UNC13C: variants seen among roughly 807,000 people sequenced by gnomAD.
The protein encoded by UNC13C is protein unc-13 homolog C.
In UNC13C, 174 loss-of-function variants were observed where a neutral mutation model predicts 245.4. The observed-to-expected ratio is 0.71, with a 90% CI of 0.63 to 0.80. The LOEUF (loss-of-function observed/expected upper bound fraction) is 0.80. Ranked by LOEUF, UNC13C falls within the 30% of genes least tolerant of loss-of-function variation. The pLI is 0.00. For synonymous variants in UNC13C, 992 were observed against 895.1 expected (o/e 1.11, Z -1.93); for missense variants, 2,829 against 2,602.9 (o/e 1.09, Z -1.89).
At chr15:54,463,198 C>T (rs1267539683) in intron 19 of UNC13C, among the ~76,000 whole-genome samples, 1 of 137,140 alleles carries the variant, frequency 7.3e-6, no homozygotes, top group African/African-American at 2.7e-5. Flanking sequence ...TCAAAATGGG[C>T]CAATCAGCTC....
intron 4 of UNC13C, among the ~76,000 whole-genome samples, chr15:54,227,268 G>T (rs2035413548): frequency 6.6e-6 from 1 of 152,156 alleles, no homozygotes; most frequent in Non-Finnish European, 1.5e-5. Context: ...CCACGGGCGG[G>T]CCTGGAAAAA....
intron 4 of UNC13C, among the ~76,000 whole-genome samples, chr15:54,228,433 A>T (rs2035457027): frequency 6.6e-6 from 1 of 152,030 alleles, no homozygotes; most frequent in South Asian, 2.1e-4. Context: ...GTCTCTCCCC[A>T]TTGCCATCAC....
At chr15:54,176,227 T>G (rs1224716410) in intron 4 of UNC13C, among the ~76,000 whole-genome samples, 1 of 152,200 alleles carries the variant, frequency 6.6e-6, no homozygotes, top group Non-Finnish European at 1.5e-5. Context: ...TAAGGCTGCT[T>G]CCAGTGGTGT....
intron 19 of UNC13C, among the ~76,000 whole-genome samples, chr15:54,457,243 A>G (rs970102323): frequency 3.9e-5 from 6 of 152,064 alleles, no homozygotes; most frequent in South Asian, 2.1e-4. Context: ...TAATTATGGC[A>G]TGTTATCTTT....
chr15:53,963,993 A>G, the UNC13C span, among the ~76,000 whole-genome samples: 1 of 152,186 alleles, frequency 6.6e-6, no homozygotes, highest in African/African-American at 2.4e-5. Flanking sequence ...GGAAGAACAC[A>G]TATTTTGGAA....
chr15:54,422,437 T>G (rs1177575509), intron 19 of UNC13C, among the ~76,000 whole-genome samples: 2 of 152,052 alleles, frequency 1.3e-5, no homozygotes, highest in Non-Finnish European at 2.9e-5. Context: ...TTCCCTGGTA[T>G]ATAAAAGTTT....
At chr15:54,296,391 T>TTTTTTTTTTTTTTTTTG (rs529076917) in intron 11 of UNC13C, among the ~76,000 whole-genome samples, 85 of 137,870 alleles carry the variant, frequency 6.2e-4, no homozygotes, top group African/African-American at 1.3e-3. Context: ...TTATTTTTTT[T>TTTTTTTTTTTTTTTTTG]TATTTTTTAG....
At chr15:53,934,931 C>A in the UNC13C span, among the ~76,000 whole-genome samples, 1 of 152,160 alleles carries the variant, frequency 6.6e-6, no homozygotes, top group Non-Finnish European at 1.5e-5. Context: ...AATATCATTA[C>A]ATTGGGGAGT....
At chr15:54,129,263 A>G (rs373760465) in intron 2 of UNC13C, among the ~76,000 whole-genome samples, 2 of 152,222 alleles carry the variant, frequency 1.3e-5, no homozygotes, top group East Asian at 1.9e-4. Flanking sequence ...ACATATGTAC[A>G]TACATCCACA....
chr15:54,374,882 G>A (rs140026990), intron 17 of UNC13C, among the ~76,000 whole-genome samples: 132 of 152,368 alleles, frequency 8.7e-4, no homozygotes, highest in African/African-American at 3.1e-3. Flanking sequence ...GCTCTGGAGA[G>A]ATTCTGAGCA....
the UNC13C span, among the ~76,000 whole-genome samples, chr15:53,875,108 T>C: frequency 3.7e-5 from 3 of 81,868 alleles, no homozygotes; most frequent in South Asian, 9.5e-4. Context: ...AAAAAAAAAA[T>C]ATCTTATATG....
intron 2 of UNC13C, chr15:54,050,702 G>T: frequency 3.6e-6 from 2 of 554,360 alleles, no homozygotes; most frequent in South Asian, 1.4e-5. Context: ...AAGATCTATA[G>T]GGTAAATATC....
chr15:54,259,960 G>C (rs1047506835), intron 8 of UNC13C, among the ~76,000 whole-genome samples: 13 of 151,574 alleles, frequency 8.6e-5, no homozygotes, highest in African/African-American at 2.9e-4. Context: ...GTGGCCTTAG[G>C]GCAGGAGTTT....
At chr15:53,913,267 T>C in the UNC13C span, 5 of 152,224 alleles carry the variant, frequency 3.3e-5, no homozygotes, top group Non-Finnish European at 7.3e-5. Flanking sequence ...ACAAGCCCTA[T>C]GGGTAGTTGA....
intron 5 of UNC13C, among the ~76,000 whole-genome samples, chr15:54,235,659 T>C (rs560741905): frequency 3.2e-4 from 49 of 152,274 alleles, no homozygotes; most frequent in Admixed American, 1.3e-3. Context: ...AAGACCATCC[T>C]GGCTAACATG....
chr15:54,450,768 GCCCACTGTCCTGCC>G (rs1025118879), intron 19 of UNC13C, among the ~76,000 whole-genome samples: 2 of 152,068 alleles, frequency 1.3e-5, no homozygotes, highest in African/African-American at 4.8e-5. Flanking sequence ...GGTGCACTGC[GCCCACTGTCCTGCC>G]CCCACTGTCC....
chr15:54,006,505 A>C (rs1895143604), intron 1 of UNC13C, among the ~76,000 whole-genome samples: 1 of 152,194 alleles, frequency 6.6e-6, no homozygotes, highest in African/African-American at 2.4e-5. Flanking sequence ...AAAAACTAAC[A>C]GTTCCCCCAA....
At position 54,627,958 on chromosome 15, in the gene UNC13C, TTATGACTCTA is replaced by T. The variant is rs1438631609; in HGVS notation, c.*848_*857del. The stretch of plus-strand genomic sequence containing the variant: ...ATTGTTAATATCTTCCCTCTGACAG[TTATGACTCTA>T]TAATCAGTTCAATGCTTTATTTTTA... On this transcript the variant is annotated 3_prime_UTR_variant, in exon 33 of 33. Coordinates refer to ENST00000260323, the MANE Select transcript of UNC13C (RefSeq NM_001080534.3). 6.6e-6 allele frequency: 1 copy of T among 152,578 alleles called. No individual in the cohort carries two copies. The highest frequency in any genetic ancestry group is 1.5e-5 in the Non-Finnish European group (1 of 67,996). 9.5% of individuals were successfully genotyped at this position (152,578 alleles called of 1,614,324 possible).
At chr15:54,509,202 A>G (rs1010081826) in intron 23 of UNC13C, among the ~76,000 whole-genome samples, 4 of 152,220 alleles carry the variant, frequency 2.6e-5, no homozygotes, top group Non-Finnish European at 5.9e-5. Flanking sequence ...CTCTGTCTCA[A>G]AAACATACAA....
Sources: gnomAD v4.1 joint callset for allele counts (sites outside exome capture counted in the v4.1 genomes callset) on GRCh38, gnomAD v4.1.1 for gene constraint, MANE v1.5 for transcripts, NCBI Gene and HGNC (gene_info 2026-07-23, HGNC 2026-07-21) for gene names.